NCOR2: variants seen among roughly 807,000 people sequenced by gnomAD.
NCOR2 encodes the protein CTG repeat protein 26.
In NCOR2, 81 loss-of-function variants were observed where a neutral mutation model predicts 262.9. The observed-to-expected ratio is 0.31, with a 90% CI of 0.26 to 0.37. The LOEUF (loss-of-function observed/expected upper bound fraction) is 0.37, where lower values mean the gene tolerates loss of function less well. Among genes scored for constraint, NCOR2 ranks in the 10% least tolerant of loss-of-function variants. The pLI is 1.00. For synonymous variants in NCOR2, 1,659 were observed against 1,559.3 expected, an observed-to-expected ratio of 1.06 and a Z score of -1.51; for missense variants, 3,385 against 3,621.4, an observed-to-expected ratio of 0.93 and a Z score of 1.68.
intron 23 of NCOR2, among the ~76,000 whole-genome samples, chr12:124,356,157 G>A (rs1368180649): frequency 3.9e-5 from 6 of 152,140 alleles, no homozygotes; most frequent in Non-Finnish European, 7.4e-5. Flanking sequence ...TGTTCTTCTG[G>A]CTCCCTTGGC....
At chr12:124,542,129 G>A (rs79344475) in intron 1 of NCOR2, among the ~76,000 whole-genome samples, 6,114 of 151,850 alleles carry the variant, frequency 0.04, 393 homozygotes, top group African/African-American at 0.14. Context: ...CCTGCATGGA[G>A]GATCAGAACT....
At chr12:124,429,786 G>T in intron 9 of NCOR2, 80 bp from the exon 12 acceptor site, 1 of 1,315,092 alleles carries the variant, frequency 7.6e-7, no homozygotes, top group Non-Finnish European at 1.1e-6. Flanking sequence ...GCAGCCCTGA[G>T]CCCACGCCCT....
At chr12:124,485,022 C>T (rs2047702032) in intron 2 of NCOR2, among the ~76,000 whole-genome samples, 1 of 152,208 alleles carries the variant, frequency 6.6e-6, no homozygotes, top group Non-Finnish European at 1.5e-5. Flanking sequence ...AGTCCTTGTC[C>T]CTCCAAAGCT....
At position 124,325,388 on chromosome 12, in the gene NCOR2, C is replaced by CCCCA. The variant is rs1555297214; in HGVS notation, c.*13_*14insTGGG. 1.0e-5 allele frequency: 7 copies of CCCCA among 693,302 alleles called. 1 individual carries two copies. Among genetic ancestry groups the CCCCA allele is most frequent in the African/African-American group, 8.1e-5 (4 of 49,360 alleles). 42.9% of individuals were successfully genotyped at this position (693,302 alleles called of 1,614,324 possible). On this transcript the variant is annotated 3_prime_UTR_variant, in exon 47 of 47. Coordinates refer to ENST00000405201, the Ensembl canonical transcript of NCOR2. ...TGGGACCTGACACCGCCCCCCCCCC[C>CCCCA]GCCCTGTTCTGAGTCACTCGCTGTC...
rs1390777457 is a variant in NCOR2 at position 124,503,559 on chromosome 12, GGATGGATA to G, written c.-117-8199_-117-8192del. ...TGGATGGATGGATGGACGAATGGAT[GGATGGATA>G]GATGGAAGACGGACGGATGGACGGA... On this transcript the variant is annotated intron_variant, in intron 1 of 46. Coordinates refer to the NCOR2 transcript ENST00000404621. The surrounding 1 kb of genome is among the most constrained non-coding windows in gnomAD (Gnocchi z 4.3). Among the ~76,000 whole-genome samples the G allele has an allele frequency of 6.6e-6, 1 of 151,438 alleles. No homozygotes were observed. The highest frequency in any genetic ancestry group is 2.4e-5 in the African/African-American group (1 of 41,122).
At chr12:124,441,924 T>C (rs2044832980) in intron 7 of NCOR2, among the ~76,000 whole-genome samples, 1 of 152,140 alleles carries the variant, frequency 6.6e-6, no homozygotes, top group African/African-American at 2.4e-5. Flanking sequence ...CCAGTGATCT[T>C]CAAAAGTGCT....
chr12:124,510,623 G>A (rs1222748403), intron 1 of NCOR2, among the ~76,000 whole-genome samples: 2 of 152,210 alleles, frequency 1.3e-5, no homozygotes, highest in Non-Finnish European at 2.9e-5. Flanking sequence ...CTGTGTCCTG[G>A]GACCCTGTCA....
In NCOR2 at chr12:124,459,771, TC is replaced by T. The variant is rs572096113; in HGVS notation, c.706-2610del. 4.0e-5 allele frequency among the ~76,000 whole-genome samples: 6 copies of T among 151,838 alleles called. No individual in the cohort carries two copies. In the South Asian group the frequency reaches 6.3e-4, roughly 16 times the overall value. Reference sequence around the variant, plus strand: ...ACAGATTCAGCCTCATGCCAAAAATTCCCCCTCACCTCCTCGGCTGCTGTCT... The same window carrying T: ...ACAGATTCAGCCTCATGCCAAAAATTCCCCTCACCTCCTCGGCTGCTGTCT... On this transcript the variant is annotated intron_variant, in intron 5 of 46. Transcript: ENST00000405201.
Position 124,367,074 on chromosome 12 carries a change from A to AT in NCOR2, c.2808-3276dup, listed in dbSNP as rs564636649. Among the ~76,000 whole-genome samples, 57 of 152,362 alleles carry AT rather than the reference A, an allele frequency of 3.7e-4. No homozygotes were observed. The East Asian group carries it at 9.4e-3, about 25-fold the overall frequency. ...TCTATAGAGATAAAAATATGACTTT[A>AT]TAACACACACAAAACATGAGGTGCC... is the stretch of plus-strand genomic sequence containing the variant. On this transcript the variant is annotated intron_variant, in intron 20 of 46. Transcript: ENST00000405201.
At chr12:124,393,371 A>T (rs2041445299) in intron 16 of NCOR2, among the ~76,000 whole-genome samples, 1 of 152,180 alleles carries the variant, frequency 6.6e-6, no homozygotes, top group African/African-American at 2.4e-5. Flanking sequence ...CCACAGCCGC[A>T]TGCACACAAG....
intron 1 of NCOR2, among the ~76,000 whole-genome samples, chr12:124,515,390 A>G (rs1486359144): frequency 6.6e-6 from 1 of 152,088 alleles, no homozygotes; most frequent in Non-Finnish European, 1.5e-5. Context: ...GAAAAAAAAA[A>G]AAAAATCAAG....
At position 124,440,363 on chromosome 12, in the gene NCOR2, C is replaced by T. The variant is rs2044738608; in HGVS notation, c.816-2367G>A. Among the ~76,000 whole-genome samples the T allele has an allele frequency of 6.6e-6, 1 of 152,170 alleles. No individual in the cohort carries two copies. Among genetic ancestry groups the T allele is most frequent in the African/African-American group, 2.4e-5 (1 of 41,450 alleles). Reference sequence around the variant, plus strand: ...AAGGGCCTGGAATCCACCTCAGTCCCCGGGTCATTCTGGTGGTGACTTGGC... The same window carrying T: ...AAGGGCCTGGAATCCACCTCAGTCCTCGGGTCATTCTGGTGGTGACTTGGC... On this transcript the variant is annotated intron_variant, in intron 7 of 46. Transcript: ENST00000405201. This position sits in a 1 kb window ranked among gnomAD's most constrained non-coding sequence, Gnocchi z 5.7.
At chr12:124,393,941 G>C (rs752416208) in intron 16 of NCOR2, among the ~76,000 whole-genome samples, 8 of 152,278 alleles carry the variant, frequency 5.3e-5, no homozygotes, top group Non-Finnish European at 1.0e-4. Context: ...CCTCGGGGTA[G>C]CCCTCTGACT....
chr12:124,486,761 G>A (rs1478880318), intron 1 of NCOR2, among the ~76,000 whole-genome samples, 193 bp from the exon 4 acceptor site: 4 of 152,228 alleles, frequency 2.6e-5, no homozygotes, highest in African/African-American at 9.7e-5. Context: ...CACCAAGGAG[G>A]AGAAAGAACA....
intron 23 of NCOR2, 102 bp downstream of exon 25, chr12:124,356,540 G>A (rs1447070568): frequency 9.3e-7 from 1 of 1,071,918 alleles, no homozygotes; most frequent in Admixed American, 4.2e-5. Flanking sequence ...GGTCCCATAA[G>A]GCTTTAAGAT....
At position 124,521,024 on chromosome 12, in the gene NCOR2, A is replaced by C. The variant is rs139292105; in HGVS notation, c.-118+14541T>G. On this transcript the variant is annotated intron_variant, in intron 1 of 46. Coordinates refer to the NCOR2 transcript ENST00000404621. ...GCCCCCAGCCTCTCGAGGCATCAGA[A>C]GGCTCAGCTGGCGAATGGGGGAGCT... Among the ~76,000 whole-genome samples the C allele has an allele frequency of 8.8e-3, 1,336 of 152,310 alleles. 21 individuals are homozygous for C. Among genetic ancestry groups the C allele is most frequent in the African/African-American group, 0.03 (1,242 of 41,568 alleles).
chr12:124,402,708 A>G, intron 13 of NCOR2, 147 bp from the exon 16 acceptor site: 1 of 1,439,582 alleles, frequency 6.9e-7, no homozygotes, highest in Non-Finnish European at 9.3e-7. Flanking sequence ...AACAACCGGG[A>G]AGCCAGGCCC....
chr12:124,388,599 C>T (rs945156985), intron 16 of NCOR2: 207 of 1,270,594 alleles, frequency 1.6e-4, no homozygotes, highest in Non-Finnish European at 3.4e-5. Flanking sequence ...CCCCAGCTGC[C>T]CAGCCTCAAA....
chr12:124,416,988 T>A (rs542432526), intron 13 of NCOR2, among the ~76,000 whole-genome samples: 1 of 152,316 alleles, frequency 6.6e-6, no homozygotes, highest in East Asian at 1.9e-4. Context: ...AATCAATGGA[T>A]GAGTCAGCAA....
Sources: allele counts gnomAD v4.1 joint callset (sites outside exome capture counted in the v4.1 genomes callset), GRCh38; gene constraint gnomAD v4.1.1; non-coding constraint Gnocchi (gnomAD v3.1); transcripts MANE v1.5; gene names NCBI Gene and HGNC (gene_info 2026-07-23, HGNC 2026-07-21).